RGS17: variants seen among roughly 807,000 people sequenced by gnomAD.
RGS17 encodes regulator of G protein signaling 17.
RGS17 carries 12 observed loss-of-function variants against 25.5 expected under a neutral mutation model. The observed-to-expected ratio is 0.47, with a 90% CI of 0.30 to 0.76. The LOEUF is 0.76. Ranked by LOEUF, RGS17 falls within the 30% of genes least tolerant of loss-of-function variation. RGS17 has a pLI of 0.07. For missense variants in RGS17, 196 were observed against 242.2 expected, an observed-to-expected ratio of 0.81 and a Z score of 1.27; for synonymous variants, 71 against 76.9, an observed-to-expected ratio of 0.92 and a Z score of 0.40.
chr6:153,097,204 A>ATCCCAAAT (rs1777225958), intron 1 of RGS17, among the ~76,000 whole-genome samples: 1 of 151,692 alleles, frequency 6.6e-6, no homozygotes, highest in Non-Finnish European at 1.5e-5. Context: ...GTAAATTTTG[A>ATCCCAAAT]TCCCAAATGT....
chr6:153,028,601 T>TGG (rs577791970), intron 2 of RGS17, among the ~76,000 whole-genome samples: 3 of 151,682 alleles, frequency 2.0e-5, no homozygotes, highest in East Asian at 1.9e-4. Context: ...GAAAAGTGGA[T>TGG]GGGGGGGGAT....
intron 2 of RGS17, among the ~76,000 whole-genome samples, chr6:153,035,043 A>C (rs1355545853): frequency 6.6e-6 from 1 of 151,924 alleles, no homozygotes; most frequent in African/African-American, 2.4e-5. Context: ...AGTCCCAGCT[A>C]CTCGGGAGGC....
rs1410336753 is a variant in RGS17 at position 153,064,368 on chromosome 6, T to C, written c.-25-20325A>G. On this transcript the variant is annotated intron_variant, in intron 1 of 4. Coordinates refer to ENST00000206262, the MANE Select transcript of RGS17 (RefSeq NM_012419.5). ...GGGATGGGCAAGGCACGGTGGCTCATGCCTGTAATCCCAGCACTTTGGGAG... is the reference window on the plus strand; with the variant it reads ...GGGATGGGCAAGGCACGGTGGCTCACGCCTGTAATCCCAGCACTTTGGGAG... Among the ~76,000 whole-genome samples the C allele has an allele frequency of 2.0e-5, 3 of 152,282 alleles. No homozygotes were observed. In the East Asian group the frequency reaches 5.8e-4, roughly 29 times the overall value.
chr6:153,013,586 G>A (rs1251306598), intron 4 of RGS17, among the ~76,000 whole-genome samples: 1 of 152,246 alleles, frequency 6.6e-6, no homozygotes, highest in Non-Finnish European at 1.5e-5. Flanking sequence ...CTGGTCAAAA[G>A]CTGGGCCTCT....
At chr6:153,057,522 G>C (rs150503583) in intron 1 of RGS17, among the ~76,000 whole-genome samples, 79 of 152,226 alleles carry the variant, frequency 5.2e-4, no homozygotes, top group Non-Finnish European at 9.0e-4. Context: ...GATGACCTTT[G>C]GTTAGTTACT....
intron 4 of RGS17, chr6:153,023,390 C>A (rs771859061): frequency 3.9e-6 from 2 of 510,136 alleles, no homozygotes; most frequent in South Asian, 2.8e-5. Flanking sequence ...ATTCTAGGAA[C>A]CTCTATGTTC....
intron 1 of RGS17, among the ~76,000 whole-genome samples, chr6:153,094,102 C>G (rs1777171940): frequency 6.7e-6 from 1 of 148,746 alleles, no homozygotes. Context: ...TTTTGACTGA[C>G]TCTCATTCTG....
intron 4 of RGS17, among the ~76,000 whole-genome samples, chr6:153,021,446 A>C (rs1273410453): frequency 6.6e-6 from 1 of 152,232 alleles, no homozygotes; most frequent in African/African-American, 2.4e-5. Flanking sequence ...CGGAAAGTGC[A>C]TGCCATGCGC....
At chr6:153,058,649 G>T (rs1243822260) in intron 1 of RGS17, among the ~76,000 whole-genome samples, 2 of 152,180 alleles carry the variant, frequency 1.3e-5, no homozygotes. Flanking sequence ...TTCAGCACTG[G>T]GGTGGACAAG....
At chr6:153,038,991 CTAGT>C (rs1163418585) in intron 2 of RGS17, among the ~76,000 whole-genome samples, 25 of 152,128 alleles carry the variant, frequency 1.6e-4, no homozygotes, top group Admixed American at 6.5e-5. Context: ...TTTCAAAAGG[CTAGT>C]TAATTTACTA....
intron 1 of RGS17, among the ~76,000 whole-genome samples, chr6:153,088,984 C>G (rs1215565919): frequency 6.6e-6 from 1 of 152,036 alleles, no homozygotes; most frequent in East Asian, 1.9e-4. Flanking sequence ...AATGATTTTC[C>G]CTGGAACACA....
At chr6:153,088,517 A>G (rs533547968) in intron 1 of RGS17, among the ~76,000 whole-genome samples, 1 of 152,286 alleles carries the variant, frequency 6.6e-6, no homozygotes, top group Non-Finnish European at 1.5e-5. Flanking sequence ...TTTATTCCCA[A>G]TATGTCTAAT....
chr6:153,119,706 A>G (rs1584167262), intron 1 of RGS17, among the ~76,000 whole-genome samples: 2 of 152,090 alleles, frequency 1.3e-5, no homozygotes, highest in African/African-American at 4.8e-5. Context: ...AAAAGAAAAA[A>G]CGGTTATTTC....
In RGS17 at chr6:153,119,149, C is replaced by T. The variant is rs368179679; in HGVS notation, c.-26+11975G>A. Among the ~76,000 whole-genome samples, 48 of 152,252 alleles carry T rather than the reference C, an allele frequency of 3.2e-4. 7 individuals are homozygous for T. The highest frequency in any genetic ancestry group is 2.1e-3 in the Admixed American group (32 of 15,294). On this transcript the variant is annotated intron_variant, in intron 1 of 4. Transcript: ENST00000206262. ...CTTTGACACTTTTCTACTATTGTTA[C>T]CTGTATGTAAAAGACTTTCAAGTTT...
Position 153,010,525 on chromosome 6 carries a change from G to A in RGS17, c.*1049C>T, listed in dbSNP as rs996318792. 10 of 151,952 alleles carry A rather than the reference G, an allele frequency of 6.6e-5. No individual in the cohort carries two copies. Among genetic ancestry groups the A allele is most frequent in the African/African-American group, 2.4e-4 (10 of 41,420 alleles). 9.4% of individuals were successfully genotyped at this position (151,952 alleles called of 1,614,324 possible). On this transcript the variant is annotated 3_prime_UTR_variant, in exon 5 of 5. Coordinates refer to ENST00000206262, the MANE Select transcript of RGS17 (RefSeq NM_012419.5). ...CATAACCCTTATAAAACTTTTCCTG[G>A]TAAAAACTTAGCTTTTCATTGGATT... is the stretch of plus-strand genomic sequence containing the variant.
At chr6:153,102,286 T>G (rs1411465406) in intron 1 of RGS17, among the ~76,000 whole-genome samples, 1 of 152,216 alleles carries the variant, frequency 6.6e-6, no homozygotes, top group African/African-American at 2.4e-5. Context: ...TAACACATCT[T>G]ACCTGTCAAG....
At chr6:153,111,909 C>T (rs1311332042) in intron 1 of RGS17, among the ~76,000 whole-genome samples, 1 of 152,136 alleles carries the variant, frequency 6.6e-6, no homozygotes, top group Non-Finnish European at 1.5e-5. Context: ...AAAGGACGTC[C>T]ACACAAACCC....
At chr6:153,100,784 C>G (rs1425077011) in intron 1 of RGS17, among the ~76,000 whole-genome samples, 2 of 152,130 alleles carry the variant, frequency 1.3e-5, no homozygotes, top group Non-Finnish European at 2.9e-5. Flanking sequence ...GAACTATAAC[C>G]TAAATGAAGG....
chr6:153,066,425 A>G (rs1776708551), intron 1 of RGS17, among the ~76,000 whole-genome samples: 1 of 152,192 alleles, frequency 6.6e-6, no homozygotes. Flanking sequence ...CAAACATTTA[A>G]AGAAGAACCA....
Sources: allele counts gnomAD v4.1 joint callset (sites outside exome capture counted in the v4.1 genomes callset), GRCh38; gene constraint gnomAD v4.1.1; transcripts MANE v1.5; gene names NCBI Gene and HGNC (gene_info 2026-07-23, HGNC 2026-07-21).